The following ADHFE1 variants were observed in gnomAD, a reference collection of about 807,000 sequenced individuals.
ADHFE1 encodes hydroxyacid-oxoacid transhydrogenase, mitochondrial.
A neutral mutation model predicts 54.8 loss-of-function variants in ADHFE1; 37 were observed. That is an observed-to-expected ratio of 0.68 (90% CI 0.52 to 0.89). ADHFE1 has a LOEUF of 0.89. Among genes scored for constraint, ADHFE1 ranks in the 40% least tolerant of loss-of-function variants. The pLI is 0.00. For synonymous variants in ADHFE1, 203 were observed against 229.3 expected, an observed-to-expected ratio of 0.89 and a Z score of 1.04; for missense variants, 601 against 591.2, an observed-to-expected ratio of 1.02 and a Z score of -0.17.
At chr8:66,462,853 C>T (rs897261961) in intron 13 of ADHFE1, among the ~76,000 whole-genome samples, 13 of 152,166 alleles carry the variant, frequency 8.5e-5, no homozygotes, top group Non-Finnish European at 1.5e-5. Context: ...CAGAGTTTCA[C>T]TCTCATTGCC....
chr8:66,464,422 C>T (rs1334757463), intron 13 of ADHFE1, among the ~76,000 whole-genome samples: 2 of 152,228 alleles, frequency 1.3e-5, no homozygotes, highest in African/African-American at 4.8e-5. Context: ...CCTTTGAGCT[C>T]ATCAGATAAG....
intron 1 of ADHFE1, among the ~76,000 whole-genome samples, chr8:66,434,168 T>G (rs1337864661): frequency 6.6e-6 from 1 of 152,144 alleles, no homozygotes; most frequent in East Asian, 1.9e-4. Context: ...ATCTGAATAG[T>G]GAAGAGTTGA....
intron 12 of ADHFE1, chr8:66,460,028 T>C: frequency 2.6e-6 from 1 of 382,350 alleles, no homozygotes; most frequent in South Asian, 4.4e-5. Flanking sequence ...ACCAGCCGAC[T>C]TTCTTGCCTT....
rs371716638 is a variant in ADHFE1, at chr8:66,448,365, T to C, written c.629-500T>C. Among the ~76,000 whole-genome samples, 6 of 152,302 alleles carry C rather than the reference T, an allele frequency of 3.9e-5. No individual in the cohort carries two copies. In the South Asian group the frequency reaches 8.3e-4, roughly 21 times the overall value. On this transcript the variant is annotated intron_variant, in intron 7 of 13. Transcript: ENST00000396623. Reference sequence around the variant, plus strand: ...TTCTAAAGACTTTTACCTAATATTCTCTCATTTGATCCCTACAACAGCTCA... The same window carrying C: ...TTCTAAAGACTTTTACCTAATATTCCCTCATTTGATCCCTACAACAGCTCA...
intron 7 of ADHFE1, among the ~76,000 whole-genome samples, chr8:66,448,442 T>C (rs1398003539): frequency 6.6e-6 from 1 of 152,206 alleles, no homozygotes; most frequent in Non-Finnish European, 1.5e-5. Context: ...TACAGAGAAC[T>C]CAGAGAGGCT....
chr8:66,440,071 A>G, intron 1 of ADHFE1, 91 bp from the exon 2 acceptor site: 1 of 1,240,748 alleles, frequency 8.1e-7, no homozygotes, highest in Non-Finnish European at 1.2e-6. Flanking sequence ...TCTTAGCACT[A>G]GACTGCAATG....
At chr8:66,465,685 C>T (rs183694569) in intron 13 of ADHFE1, among the ~76,000 whole-genome samples, 21 of 152,062 alleles carry the variant, frequency 1.4e-4, no homozygotes, top group East Asian at 9.7e-4. Context: ...CTGCAACCTC[C>T]GCCTCCTGGG....
intron 8 of ADHFE1, among the ~76,000 whole-genome samples, chr8:66,450,432 GC>G (rs1806241555): frequency 6.6e-6 from 1 of 152,200 alleles, no homozygotes; most frequent in Admixed American, 6.5e-5. Flanking sequence ...TGAGGAATCT[GC>G]CCATAAGGCC....
chr8:66,453,210 C>G (rs1010843718), intron 9 of ADHFE1, among the ~76,000 whole-genome samples: 2 of 152,152 alleles, frequency 1.3e-5, no homozygotes, highest in African/African-American at 4.8e-5. Context: ...AGCTCCATCA[C>G]CTGCTACTTC....
chr8:66,462,038 C>T (rs562007168), intron 13 of ADHFE1, among the ~76,000 whole-genome samples: 1 of 152,326 alleles, frequency 6.6e-6, no homozygotes, highest in Non-Finnish European at 1.5e-5. Context: ...CCTGTGAGGG[C>T]AGGAATCTGT....
rs771376470 is a variant in ADHFE1, at chr8:66,447,283, C to T, written c.570C>T (p.Thr190=). ...PLIAVPTTSG[T]GSETTGVAIF... The stretch of plus-strand genomic sequence containing the variant: ...TTCAAGTGCCAACTACCTCAGGAAC[C>T]GGGAGTGAAACTACTGGGGTTGCCA... The change falls in exon 7 of 14, where the codon ACC becomes ACT. Residue 190 remains threonine (T), a synonymous_variant. Transcript: ENST00000396623. The T allele has an allele frequency of 8.9e-5, 143 of 1,612,928 alleles. 1 individual carries two copies. The Middle Eastern group carries it at 2.6e-3, about 30-fold the overall frequency.
chr8:66,463,608 T>G (rs992462066), intron 13 of ADHFE1, among the ~76,000 whole-genome samples: 1 of 108,376 alleles, frequency 9.2e-6, no homozygotes, highest in Non-Finnish European at 2.2e-5. Context: ...CTATGGAATT[T>G]TGTTTGTTTG....
intron 6 of ADHFE1, 69 bp downstream of exon 6, chr8:66,445,483 C>T: frequency 7.0e-7 from 1 of 1,432,498 alleles, no homozygotes; most frequent in Non-Finnish European, 9.3e-7. Flanking sequence ...AAGATGCAAG[C>T]CAGTCCTTTT....
At chr8:66,440,996 A>C (rs1368003552) in intron 2 of ADHFE1, among the ~76,000 whole-genome samples, 1 of 152,208 alleles carries the variant, frequency 6.6e-6, no homozygotes, top group African/African-American at 2.4e-5. Flanking sequence ...GGACAAGCCA[A>C]GGGACCTCCC....
chr8:66,453,161 G>A (rs1806390528), intron 9 of ADHFE1, among the ~76,000 whole-genome samples: 1 of 152,174 alleles, frequency 6.6e-6, no homozygotes, highest in South Asian at 2.1e-4. Flanking sequence ...GTGGCACAGC[G>A]GTGGTAGATA....
chr8:66,439,768 G>C lies in ADHFE1; in HGVS notation c.60-394G>C. 9.7e-7 allele frequency: 1 copy of C among 1,031,876 alleles called. No homozygotes were observed. The highest frequency in any genetic ancestry group is 1.2e-6 in the Non-Finnish European group (1 of 860,040). 63.9% of individuals were successfully genotyped at this position (1,031,876 alleles called of 1,614,324 possible). A position where few individuals can be genotyped will look rare whatever the true frequency, so the allele number is the denominator to read the frequency against. On this transcript the variant is annotated intron_variant, in intron 1 of 13. Transcript: ENST00000396623. The surrounding 1 kb of genome is among the most constrained non-coding windows in gnomAD (Gnocchi z 4.4). ...CCCAGCATAGGGTAGTAAGTAAGAA[G>C]AGGCACACAGAGTTAACCTTGGGCC...
rs1200229141 is a variant in ADHFE1, at chr8:66,439,471, G to C, written c.60-691G>C. 1 of 986,038 alleles carries C rather than the reference G, an allele frequency of 1.0e-6. No homozygotes were observed. The highest frequency in any genetic ancestry group is 6.1e-5 in the Admixed American group (1 of 16,276). The allele number at this position is 986,038 out of a possible 1,614,324, so 61.1% of individuals were successfully genotyped here. A position where few individuals can be genotyped will look rare whatever the true frequency, so the allele number is the denominator to read the frequency against. On this transcript the variant is annotated intron_variant, in intron 1 of 13. Coordinates refer to ENST00000396623, the MANE Select transcript of ADHFE1 (RefSeq NM_144650.3). The surrounding 1 kb of genome is among the most constrained non-coding windows in gnomAD (Gnocchi z 4.4). ...CAGGGGAGGGAGGGTTTCCAAAAAG[G>C]AGGACGTGGGAAATCTGTAGAGAAG...
Position 66,439,987 on chromosome 8 carries a change from C to T in ADHFE1, c.60-175C>T, listed in dbSNP as rs1241600798. ...GGAAGACGCTGAGTCAACTTTTTGT[C>T]CATCGTGATTTCTGGGTCTATATAT... On this transcript the variant is annotated intron_variant, in intron 1 of 13. Coordinates refer to ENST00000396623, the MANE Select transcript of ADHFE1 (RefSeq NM_144650.3). The surrounding 1 kb of genome is among the most constrained non-coding windows in gnomAD (Gnocchi z 4.4). 6.6e-6 allele frequency among the ~76,000 whole-genome samples: 1 copy of T among 152,164 alleles called. No homozygotes were observed. Among genetic ancestry groups the T allele is most frequent in the African/African-American group, 2.4e-5 (1 of 41,438 alleles).
intron 12 of ADHFE1, among the ~76,000 whole-genome samples, chr8:66,459,324 T>C (rs908064154): frequency 1.3e-5 from 2 of 151,796 alleles, no homozygotes; most frequent in African/African-American, 4.8e-5. Context: ...GAACTTTCTC[T>C]GTCACCCTGC....
Sources: allele counts gnomAD v4.1 joint callset (sites outside exome capture counted in the v4.1 genomes callset), GRCh38; gene constraint gnomAD v4.1.1; non-coding constraint Gnocchi (gnomAD v3.1); transcripts MANE v1.5; gene names NCBI Gene and HGNC (gene_info 2026-07-23, HGNC 2026-07-21).